The following DLG2 variants were observed in gnomAD, a reference collection of about 807,000 sequenced individuals.
DLG2 encodes discs large MAGUK scaffold protein 2.
In DLG2, 45 loss-of-function variants were observed where a neutral mutation model predicts 132.5. The observed-to-expected ratio is 0.34, with a 90% CI of 0.27 to 0.44. The LOEUF (loss-of-function observed/expected upper bound fraction) is 0.44, where lower values mean the gene tolerates loss of function less well. Ranked by LOEUF, DLG2 falls within the 20% of genes least tolerant of loss-of-function variation. The pLI, the probability that DLG2 is intolerant of heterozygous loss-of-function variation, is 1.00. For missense variants in DLG2, 1,045 were observed against 1,196.9 expected (o/e 0.87, Z 1.87); for synonymous variants, 424 against 419.6 (o/e 1.01, Z -0.13).
chr11:84,615,327 C>T (rs2099602026), intron 6 of DLG2, among the ~76,000 whole-genome samples: 1 of 152,032 alleles, frequency 6.6e-6, no homozygotes, highest in Non-Finnish European at 1.5e-5. Flanking sequence ...TCAATAAATA[C>T]AGACATGGAC....
chr11:83,637,309 T>C (rs1422940047), intron 18 of DLG2, among the ~76,000 whole-genome samples: 1 of 152,196 alleles, frequency 6.6e-6, no homozygotes, highest in African/African-American at 2.4e-5. Flanking sequence ...ACTGTCTTGA[T>C]TCCAAGCCTC....
In DLG2 at chr11:84,089,022, A is replaced by T. The variant is rs760659539; in HGVS notation, c.749+9901T>A. ...CATGATCATAGTCATTTAGTGCAAC[A>T]ATCAGTTGGGGTACAGTGGAAATTG... On this transcript the variant is annotated intron_variant, in intron 10 of 27. Coordinates refer to ENST00000376104, the MANE Select transcript of DLG2 (RefSeq NM_001142699.3). 7.7e-4 allele frequency among the ~76,000 whole-genome samples: 117 copies of T among 152,280 alleles called. 2 individuals carry two copies. Among genetic ancestry groups the T allele is most frequent in the Non-Finnish European group, 1.1e-3 (76 of 68,026 alleles).
chr11:84,862,189 TAATA>T (rs1359058536), intron 6 of DLG2, among the ~76,000 whole-genome samples: 2 of 151,730 alleles, frequency 1.3e-5, no homozygotes, highest in African/African-American at 2.4e-5. Context: ...AGTATAATAA[TAATA>T]AATAAAAAAT....
At chr11:84,926,384 A>T (rs1011416963) in intron 6 of DLG2, among the ~76,000 whole-genome samples, 1 of 152,072 alleles carries the variant, frequency 6.6e-6, no homozygotes, top group African/African-American at 2.4e-5. Flanking sequence ...ATGTGTATCT[A>T]AAATATCCAT....
chr11:84,642,029 CACACAT>C (rs2099667339), intron 6 of DLG2, among the ~76,000 whole-genome samples: 1 of 142,496 alleles, frequency 7.0e-6, no homozygotes, highest in Non-Finnish European at 1.5e-5. Context: ...TACACACACA[CACACAT>C]GCATACGTAT....
chr11:84,600,179 A>AGAAAGAAAGAAG (rs1565419336), intron 6 of DLG2, among the ~76,000 whole-genome samples: 11 of 132,574 alleles, frequency 8.3e-5, no homozygotes, highest in Admixed American at 6.0e-4. Context: ...AAAGAAAGAA[A>AGAAAGAAAGAAG]GAAAGAAAGA....
chr11:85,242,083 T>C (rs1373542275), intron 4 of DLG2, among the ~76,000 whole-genome samples: 1 of 151,926 alleles, frequency 6.6e-6, no homozygotes, highest in Non-Finnish European at 1.5e-5. Context: ...CACCTGCCTC[T>C]GTCCCAAAGA....
intron 6 of DLG2, among the ~76,000 whole-genome samples, chr11:85,024,380 CTG>C (rs2060335217): frequency 6.6e-6 from 1 of 152,170 alleles, no homozygotes; most frequent in Non-Finnish European, 1.5e-5. Context: ...GGCACCAAAA[CTG>C]TGTTTTTGTA....
At chr11:84,498,603 G>C (rs530435843) in intron 7 of DLG2, among the ~76,000 whole-genome samples, 1 of 152,228 alleles carries the variant, frequency 6.6e-6, no homozygotes, top group South Asian at 2.1e-4. Context: ...GTAAATAGAA[G>C]TTTTGGCTGA....
At chr11:83,988,641 C>T (rs1035046915) in intron 11 of DLG2, among the ~76,000 whole-genome samples, 2 of 152,128 alleles carry the variant, frequency 1.3e-5, no homozygotes, top group South Asian at 2.1e-4. Context: ...GTTAGCTGTA[C>T]TCTTACAGCC....
chr11:84,202,762 A>T (rs1239997805), intron 8 of DLG2, among the ~76,000 whole-genome samples: 1 of 152,068 alleles, frequency 6.6e-6, no homozygotes, highest in Non-Finnish European at 1.5e-5. Context: ...GAACTCAAAC[A>T]TTACACACAC....
chr11:85,144,182 CTTCT>C (rs1487974113), intron 5 of DLG2, among the ~76,000 whole-genome samples: 2 of 151,470 alleles, frequency 1.3e-5, no homozygotes, highest in African/African-American at 2.4e-5. Context: ...ATATAATGTC[CTTCT>C]TTGTCTCTTC....
intron 7 of DLG2, among the ~76,000 whole-genome samples, chr11:84,285,898 G>A (rs1420672024): frequency 6.6e-6 from 1 of 152,124 alleles, no homozygotes; most frequent in East Asian, 1.9e-4. Flanking sequence ...ATAAATATTT[G>A]TTGGATAAAT....
At chr11:84,247,836 C>A (rs1270684483) in intron 8 of DLG2, among the ~76,000 whole-genome samples, 1 of 152,088 alleles carries the variant, frequency 6.6e-6, no homozygotes, top group Non-Finnish European at 1.5e-5. Flanking sequence ...CCATTTCTAT[C>A]AAAAATCAAA....
At chr11:84,110,049 C>A (rs1273013402) in intron 9 of DLG2, among the ~76,000 whole-genome samples, 3 of 152,164 alleles carry the variant, frequency 2.0e-5, no homozygotes, top group Non-Finnish European at 4.4e-5. Flanking sequence ...CTGGCTTCCA[C>A]ACCTGACTCA....
intron 7 of DLG2, among the ~76,000 whole-genome samples, chr11:84,360,574 A>T (rs1315669520): frequency 6.6e-6 from 1 of 152,010 alleles, no homozygotes; most frequent in African/African-American, 2.4e-5. Flanking sequence ...GGCAGTTTTC[A>T]GGAAAGAGAA....
At position 84,629,524 on chromosome 11, in the gene DLG2, T is replaced by A. The variant is rs968855489; in HGVS notation, c.358-94793A>T. On this transcript the variant is annotated intron_variant, in intron 6 of 27. Transcript: ENST00000376104. ...GTTCATTTGATCACACCGGCAGAAA[T>A]GCCTAGGAAATGTTTCTGCTCTTCA... 4.6e-5 allele frequency among the ~76,000 whole-genome samples: 7 copies of A among 152,298 alleles called. No homozygotes were observed. The South Asian group carries it at 1.5e-3, about 32-fold the overall frequency.
intron 6 of DLG2, among the ~76,000 whole-genome samples, chr11:84,755,263 A>G (rs1375536782): frequency 6.6e-6 from 1 of 152,224 alleles, no homozygotes; most frequent in Non-Finnish European, 1.5e-5. Context: ...CTTGGTACCA[A>G]TAAATTTTTG....
chr11:84,093,563 T>A (rs2097126585), intron 10 of DLG2, among the ~76,000 whole-genome samples: 1 of 152,208 alleles, frequency 6.6e-6, no homozygotes, highest in South Asian at 2.1e-4. Context: ...CTCATCATAG[T>A]CACAGGTTCT....
Sources: allele counts gnomAD v4.1 joint callset (sites outside exome capture counted in the v4.1 genomes callset), GRCh38; gene constraint gnomAD v4.1.1; transcripts MANE v1.5; gene names NCBI Gene and HGNC (gene_info 2026-07-23, HGNC 2026-07-21).